Variants in FREM1 observed in about 807,000 individuals in gnomAD.
FREM1 encodes FRAS1 related extracellular matrix 1, also known as FRAS1-related extracellular matrix protein 1.
In FREM1, 220 loss-of-function variants were observed where a neutral mutation model predicts 210.1. The observed-to-expected ratio is 1.05, with a 90% CI of 0.94 to 1.17. FREM1 has a LOEUF of 1.17. Ranked by LOEUF, FREM1 falls within the 50% of genes most tolerant of loss-of-function variation. FREM1 has a pLI of 0.00. For missense variants in FREM1, 3,454 were observed against 2,675.5 expected, an observed-to-expected ratio of 1.29 and a Z score of -6.42; for synonymous variants, 1,189 against 980.2, an observed-to-expected ratio of 1.21 and a Z score of -3.98.
chr9:14,891,362 CA>C (rs1218822980), intron 1 of FREM1, among the ~76,000 whole-genome samples: 9 of 151,310 alleles, frequency 5.9e-5, no homozygotes, highest in Non-Finnish European at 7.4e-5. Context: ...ACAAAAATGA[CA>C]AAAAAAAATT....
chr9:14,886,006 C>T (rs1402500298), intron 1 of FREM1, among the ~76,000 whole-genome samples: 1 of 152,154 alleles, frequency 6.6e-6, no homozygotes, highest in Non-Finnish European at 1.5e-5. Flanking sequence ...CCCTCCTCCC[C>T]AGCCCCTGGT....
At chr9:14,737,989 C>T (rs989683530) in intron 36 of FREM1, among the ~76,000 whole-genome samples, 6 of 152,174 alleles carry the variant, frequency 3.9e-5, no homozygotes, top group African/African-American at 1.4e-4. Flanking sequence ...ACATGCAGAA[C>T]TCCTATCACA....
chr9:14,843,556 C>T (rs2131245174), intron 8 of FREM1, among the ~76,000 whole-genome samples: 1 of 152,296 alleles, frequency 6.6e-6, no homozygotes, highest in East Asian at 1.9e-4. Flanking sequence ...GATAGACATT[C>T]TGTTGGTTTC....
intron 32 of FREM1, 31 bp from the exon 33 acceptor site, chr9:14,747,459 G>A (rs1266474902): frequency 3.8e-6 from 6 of 1,585,280 alleles, no homozygotes; most frequent in South Asian, 2.3e-5. Context: ...ACAACAATAA[G>A]GAAAAAACAA....
Position 14,805,093 on chromosome 9 carries a change from G to C in FREM1, c.3334C>G (p.Leu1112Val), listed in dbSNP as rs777396392. The change falls in exon 19 of 37, where the codon CTG (leucine) becomes GTG (valine). Residue 1112 changes from leucine (L) to valine (V), a missense_variant. Leu to Val is a conservative substitution (Grantham distance 32). Coordinates refer to ENST00000380880, the MANE Select transcript of FREM1 (RefSeq NM_001379081.2). ...FHINYVQSRHLRIEPTADQFT... is the reference protein window; with the variant it reads ...FHINYVQSRHVRIEPTADQFT... ...TGGTCGGCAGTTGGTTCTATCCTCA[G>C]ATGCCTGGACTGCACATAGTTAATG... 4.3e-6 allele frequency: 7 copies of C among 1,613,004 alleles called. No individual in the cohort carries two copies. Among genetic ancestry groups the C allele is most frequent in the Non-Finnish European group, 5.9e-6 (7 of 1,179,254 alleles).
chr9:14,839,076 G>T (rs1008884023), intron 10 of FREM1, among the ~76,000 whole-genome samples: 1 of 152,104 alleles, frequency 6.6e-6, no homozygotes, highest in East Asian at 1.9e-4. Context: ...TTAATTTATC[G>T]CAACTATAAG....
In FREM1 at chr9:14,773,711, T is replaced by C. The variant is rs563612750; in HGVS notation, c.4857+2078A>G. On this transcript the variant is annotated intron_variant, in intron 25 of 36. Transcript: ENST00000380880. ...TATCAGTAAATTCCACAACTTCCAA[T>C]AGATAACTCTCTTACAATAGCCATG... Among the ~76,000 whole-genome samples the C allele has an allele frequency of 7.2e-5, 11 of 151,738 alleles. No homozygotes were observed. In the East Asian group the frequency reaches 1.6e-3, roughly 21 times the overall value.
intron 29 of FREM1, among the ~76,000 whole-genome samples, chr9:14,750,766 C>T (rs937494399): frequency 2.6e-5 from 4 of 152,190 alleles, no homozygotes; most frequent in African/African-American, 9.6e-5. Context: ...GGCTTCCCCA[C>T]TTCCTGAGAT....
At position 14,797,252 on chromosome 9, in the gene FREM1, T is replaced by C. The variant is rs989937000; in HGVS notation, c.3839+246A>G. Among the ~76,000 whole-genome samples, 22 of 152,368 alleles carry C rather than the reference T, an allele frequency of 1.4e-4. No individual in the cohort carries two copies. In the Middle Eastern group the frequency reaches 0.01, roughly 71 times the overall value. On this transcript the variant is annotated intron_variant, in intron 21 of 36. Coordinates refer to ENST00000380880, the MANE Select transcript of FREM1 (RefSeq NM_001379081.2). ...TCCATACTGTGTGTTCAGTCATTCT[T>C]ATTCTTTACAACTAATTAGTATGTT...
Position 14,819,330 on chromosome 9 carries a change from C to G in FREM1, c.2450G>C (p.Arg817Pro), listed in dbSNP as rs200495440. 4 of 1,613,760 alleles carry G rather than the reference C, an allele frequency of 2.5e-6. No homozygotes were observed. The South Asian group carries it at 3.3e-5, about 13-fold the overall frequency. ...CACCCTTCCGTGCAGAGGCAATTCCCGCAGGGAGAGGTCAATATTGTCCAG... is the reference window on the plus strand; with the variant it reads ...CACCCTTCCGTGCAGAGGCAATTCCGGCAGGGAGAGGTCAATATTGTCCAG... ...TKLDNIDLSL[R>P]ELPLHGRVEL... Residue 817 changes from arginine to proline, a missense_variant, in exon 14 of 37, where the codon CGG becomes CCG. Coordinates refer to ENST00000380880, the MANE Select transcript of FREM1 (RefSeq NM_001379081.2).
chr9:14,823,159 C>T lies in FREM1; in HGVS notation c.2337+1G>A, dbSNP rs756902237. On this transcript the variant is annotated splice_donor_variant, in intron 13 of 36. Transcript: ENST00000380880. LOFTEE classifies it high-confidence loss of function. Reference sequence around the variant, plus strand: ...TCCTCTATATAGAACATTGTACATACCTCAGGAACTTGATTGTCCACTGGG... The same window carrying T: ...TCCTCTATATAGAACATTGTACATATCTCAGGAACTTGATTGTCCACTGGG... 6.2e-7 allele frequency: 1 copy of T among 1,612,218 alleles called. No individual in the cohort carries two copies. Among genetic ancestry groups the T allele is most frequent in the Non-Finnish European group, 8.5e-7 (1 of 1,178,354 alleles).
intron 22 of FREM1, chr9:14,790,651 A>C (rs1262707856): frequency 6.6e-6 from 1 of 152,202 alleles, no homozygotes; most frequent in Non-Finnish European, 1.5e-5. Context: ...AAGAAAATAA[A>C]AGTCAGATTC....
chr9:14,773,450 T>C (rs949962174), intron 25 of FREM1, among the ~76,000 whole-genome samples: 8 of 152,200 alleles, frequency 5.3e-5, no homozygotes, highest in South Asian at 2.1e-4. Flanking sequence ...AAAAAGCTCT[T>C]GAAGGCAAGA....
chr9:14,746,878 G>A, intron 34 of FREM1, 45 bp downstream of exon 34: 1 of 1,600,518 alleles, frequency 6.2e-7, no homozygotes, highest in Non-Finnish European at 8.5e-7. Context: ...TTATCATAGA[G>A]CACATTGCGA....
At chr9:14,905,931 C>G (rs970219260) in intron 1 of FREM1, among the ~76,000 whole-genome samples, 4 of 152,040 alleles carry the variant, frequency 2.6e-5, no homozygotes, top group Admixed American at 6.6e-5. Flanking sequence ...AAGTGAGAAC[C>G]AGGCTGCTGA....
At chr9:14,771,414 T>C (rs1847551637) in intron 25 of FREM1, among the ~76,000 whole-genome samples, 1 of 152,174 alleles carries the variant, frequency 6.6e-6, no homozygotes, top group South Asian at 2.1e-4. Flanking sequence ...ATTTCTTTCA[T>C]TGAAGATGAG....
chr9:14,870,617 C>A (rs1212234671), intron 1 of FREM1, among the ~76,000 whole-genome samples: 1 of 151,806 alleles, frequency 6.6e-6, no homozygotes, highest in Non-Finnish European at 1.5e-5. Flanking sequence ...CTTAGAAAGG[C>A]TATCAATTTA....
In FREM1 at chr9:14,819,246, G is replaced by T. The variant is rs369195417; in HGVS notation, c.2534C>A (p.Thr845Asn). 11 of 1,611,020 alleles carry T rather than the reference G, an allele frequency of 6.8e-6. No homozygotes were observed. Among genetic ancestry groups the T allele is most frequent in the Middle Eastern group, 1.7e-4 (1 of 6,042 alleles). Residue 845 changes from threonine (T) to asparagine (N), a missense_variant, in exon 14 of 37, where the codon ACC (threonine) becomes AAC (asparagine). Physicochemically the swap from Thr to Asn is moderately conservative, Grantham distance 65. Coordinates refer to ENST00000380880, the MANE Select transcript of FREM1 (RefSeq NM_001379081.2). The stretch of plus-strand genomic sequence containing the variant: ...GAAATGTTCTAACCTAACTTTTAAG[G>T]TATGGAGATCGCCCCAAGAAAATGT... Reference protein sequence around the residue: ...GGTFSWGDLHTLKVRYQHDGT... With the variant: ...GGTFSWGDLHNLKVRYQHDGT...
intron 1 of FREM1, among the ~76,000 whole-genome samples, chr9:14,880,992 G>C (rs1834692811): frequency 6.6e-6 from 1 of 152,184 alleles, no homozygotes; most frequent in Non-Finnish European, 1.5e-5. Context: ...AATTCCAAAT[G>C]AAACTGAAGA....
Sources: allele counts gnomAD v4.1 joint callset (sites outside exome capture counted in the v4.1 genomes callset), GRCh38; gene constraint gnomAD v4.1.1; transcripts MANE v1.5; gene names NCBI Gene and HGNC (gene_info 2026-07-23, HGNC 2026-07-21).